Variants in ST6GALNAC3 observed in about 807,000 individuals in gnomAD.
The protein encoded by ST6GALNAC3 is ST6 N-acetylgalactosaminide alpha-2,6-sialyltransferase 3.
Under a neutral mutation model 32.7 loss-of-function variants are expected in ST6GALNAC3, and 25 were observed. The observed-to-expected ratio is 0.76, with a 90% CI of 0.56 to 1.07. The LOEUF is 1.07. Ranked by LOEUF, ST6GALNAC3 falls within the 50% of genes least tolerant of loss-of-function variation. The pLI is 0.00. For missense variants in ST6GALNAC3, 355 were observed against 382.4 expected, an observed-to-expected ratio of 0.93 and a Z score of 0.60; for synonymous variants, 129 against 133.1, an observed-to-expected ratio of 0.97 and a Z score of 0.21.
At chr1:76,476,068 A>G (rs1183551665) in intron 3 of ST6GALNAC3, among the ~76,000 whole-genome samples, 2 of 152,184 alleles carry the variant, frequency 1.3e-5, no homozygotes, top group Non-Finnish European at 2.9e-5. Flanking sequence ...CATGGTGTAT[A>G]TGTGCCACAT....
intron 1 of ST6GALNAC3, among the ~76,000 whole-genome samples, chr1:76,225,118 C>G (rs772971598): frequency 2.6e-5 from 4 of 151,942 alleles, no homozygotes; most frequent in African/African-American, 9.7e-5. Context: ...CAGTACCCAC[C>G]TGCTAATCTA....
chr1:76,469,358 G>A (rs978580483), intron 3 of ST6GALNAC3, among the ~76,000 whole-genome samples: 2 of 152,032 alleles, frequency 1.3e-5, no homozygotes, highest in African/African-American at 4.8e-5. Flanking sequence ...CTAGCACAAT[G>A]TCTTGCCTAG....
chr1:76,272,324 GAAA>G (rs55839101), intron 1 of ST6GALNAC3, among the ~76,000 whole-genome samples: 23 of 112,048 alleles, frequency 2.1e-4, no homozygotes, highest in African/African-American at 6.6e-4. Context: ...CTCAGTCTCG[GAAA>G]AAAAAAAAAA....
chr1:76,541,898 C>T (rs1008552097), intron 3 of ST6GALNAC3, among the ~76,000 whole-genome samples: 1 of 152,138 alleles, frequency 6.6e-6, no homozygotes, highest in Non-Finnish European at 1.5e-5. Context: ...TCATTCATTA[C>T]AAGTTTTCAG....
At chr1:76,393,496 C>T (rs1453930854) in intron 2 of ST6GALNAC3, among the ~76,000 whole-genome samples, 2 of 152,122 alleles carry the variant, frequency 1.3e-5, no homozygotes, top group African/African-American at 2.4e-5. Flanking sequence ...CTGCATTTGA[C>T]ATTTTACCTC....
intron 1 of ST6GALNAC3, among the ~76,000 whole-genome samples, chr1:76,116,080 C>T (rs1648451482): frequency 6.6e-6 from 1 of 152,034 alleles, no homozygotes; most frequent in African/African-American, 2.4e-5. Flanking sequence ...GTGGTCAGTG[C>T]TATGGTGTGG....
At chr1:76,429,990 G>T (rs1266853434) in intron 3 of ST6GALNAC3, among the ~76,000 whole-genome samples, 2 of 152,034 alleles carry the variant, frequency 1.3e-5, no homozygotes, top group Non-Finnish European at 2.9e-5. Flanking sequence ...CTCCATCTCT[G>T]CTATCACTTC....
chr1:76,090,492 CTT>C (rs1451502893), intron 1 of ST6GALNAC3, among the ~76,000 whole-genome samples: 1 of 152,196 alleles, frequency 6.6e-6, no homozygotes, highest in Non-Finnish European at 1.5e-5. Context: ...ATTTGTCACT[CTT>C]TTATCTGTTC....
intron 1 of ST6GALNAC3, among the ~76,000 whole-genome samples, chr1:76,194,395 G>C (rs1364286099): frequency 1.3e-5 from 2 of 152,016 alleles, no homozygotes; most frequent in African/African-American, 4.8e-5. Context: ...ATCTCAAAAA[G>C]CTTTTGTTTA....
rs145802128 is a variant in ST6GALNAC3, at chr1:76,466,190, G to C, written c.623+53773G>C. ...CTGACCTTCAGTTTCAAATAGTTGG[G>C]TTAAATCATTGTGATGATGACATAG... On this transcript the variant is annotated intron_variant, in intron 3 of 4. Coordinates refer to ENST00000328299, the MANE Select transcript of ST6GALNAC3 (RefSeq NM_152996.4). 7.0e-3 allele frequency among the ~76,000 whole-genome samples: 1,059 copies of C among 152,148 alleles called. 10 individuals carry two copies. The highest frequency in any genetic ancestry group is 0.021 in the South Asian group (103 of 4,818).
chr1:76,629,608 G>T lies in ST6GALNAC3; in HGVS notation c.*802G>T. On this transcript the variant is annotated 3_prime_UTR_variant, in exon 5 of 5. Coordinates refer to ENST00000328299, the MANE Select transcript of ST6GALNAC3 (RefSeq NM_152996.4). ...AATATTTCAGAAGGCTACTTAACATGTAAGATACCAACTTCAACACTGTAA... is the reference window on the plus strand; with the variant it reads ...AATATTTCAGAAGGCTACTTAACATTTAAGATACCAACTTCAACACTGTAA... 1.0e-6 allele frequency: 1 copy of T among 984,460 alleles called. No homozygotes were observed. Among genetic ancestry groups the T allele is most frequent in the Non-Finnish European group, 1.2e-6 (1 of 828,792 alleles). 61.0% of individuals were successfully genotyped at this position (984,460 alleles called of 1,614,324 possible).
chr1:76,486,283 A>G (rs1660107559), intron 3 of ST6GALNAC3, among the ~76,000 whole-genome samples: 1 of 152,036 alleles, frequency 6.6e-6, no homozygotes, highest in African/African-American at 2.4e-5. Context: ...TATCCTTGTT[A>G]ACCTTCTGTC....
chr1:76,366,557 T>C (rs1241421624), intron 2 of ST6GALNAC3, among the ~76,000 whole-genome samples: 5 of 152,266 alleles, frequency 3.3e-5, no homozygotes, highest in Non-Finnish European at 7.3e-5. Context: ...CCTTTTCTAT[T>C]TGGCTTGACC....
At chr1:76,160,783 T>C (rs1316316215) in intron 1 of ST6GALNAC3, among the ~76,000 whole-genome samples, 5 of 152,212 alleles carry the variant, frequency 3.3e-5, no homozygotes, top group Non-Finnish European at 7.3e-5. Context: ...TGCAAGCTCT[T>C]ATTTCCTTGC....
intron 3 of ST6GALNAC3, among the ~76,000 whole-genome samples, chr1:76,543,916 T>G (rs1664140192): frequency 6.6e-6 from 1 of 152,178 alleles, no homozygotes; most frequent in Non-Finnish European, 1.5e-5. Context: ...ATTTTTTTCC[T>G]TTTCACTCAT....
At chr1:76,619,008 C>T (rs1648469312) in intron 3 of ST6GALNAC3, among the ~76,000 whole-genome samples, 1 of 152,130 alleles carries the variant, frequency 6.6e-6, no homozygotes, top group African/African-American at 2.4e-5. Context: ...AAACTATAAA[C>T]TGCATAGGCC....
rs1649259810 is a variant in ST6GALNAC3, at chr1:76,630,824, G to C, written c.*2018G>C. 19 of 985,368 alleles carry C rather than the reference G, an allele frequency of 1.9e-5. No individual in the cohort carries two copies. Among genetic ancestry groups the C allele is most frequent in the Non-Finnish European group, 2.3e-5 (19 of 829,730 alleles). The allele number at this position is 985,368 out of a possible 1,614,324, so 61.0% of individuals were successfully genotyped here. ...TTCTATGAATGTTAAGTTTTTTTGA[G>C]CTAATGATAGATAGAAATGCCCACT... is the stretch of plus-strand genomic sequence containing the variant. On this transcript the variant is annotated 3_prime_UTR_variant, in exon 5 of 5. Coordinates refer to ENST00000328299, the MANE Select transcript of ST6GALNAC3 (RefSeq NM_152996.4).
At chr1:76,577,740 C>A (rs1327153567) in intron 3 of ST6GALNAC3, among the ~76,000 whole-genome samples, 1 of 152,006 alleles carries the variant, frequency 6.6e-6, no homozygotes, top group African/African-American at 2.4e-5. Context: ...ATCAGAGATT[C>A]CCGGCAGAAT....
intron 4 of ST6GALNAC3, 142 bp from the exon 5 acceptor site, chr1:76,628,478 G>A: frequency 1.3e-6 from 1 of 784,728 alleles, no homozygotes; most frequent in Non-Finnish European, 1.9e-6. Context: ...ACATATAATA[G>A]CTTTTAACTG....
Sources: gnomAD v4.1 joint callset for allele counts (sites outside exome capture counted in the v4.1 genomes callset) on GRCh38, gnomAD v4.1.1 for gene constraint, MANE v1.5 for transcripts, NCBI Gene and HGNC (gene_info 2026-07-23, HGNC 2026-07-21) for gene names.